RINT1: variants seen among roughly 807,000 people sequenced by gnomAD.
RINT1 encodes RAD50 interactor 1.
In RINT1, 75 loss-of-function variants were observed where a neutral mutation model predicts 97.7. The observed-to-expected ratio is 0.77, with a 90% CI of 0.64 to 0.93. The LOEUF (loss-of-function observed/expected upper bound fraction) is 0.93. Ranked by LOEUF, RINT1 falls within the 40% of genes least tolerant of loss-of-function variation. RINT1 has a pLI of 0.00. For synonymous variants in RINT1, 303 were observed against 326.3 expected, an observed-to-expected ratio of 0.93 and a Z score of 0.77; for missense variants, 892 against 925.2, an observed-to-expected ratio of 0.96 and a Z score of 0.47.
At chr7:105,534,732 G>C (rs1257644688) in intron 2 of RINT1, among the ~76,000 whole-genome samples, 2 of 151,936 alleles carry the variant, frequency 1.3e-5, no homozygotes, top group Admixed American at 1.3e-4. Flanking sequence ...AAATTGCTCT[G>C]GGAAGGCACA....
At chr7:105,548,413 T>C (rs1790770064) in intron 6 of RINT1, 141 bp from the exon 7 acceptor site, 7 of 689,286 alleles carry the variant, frequency 1.0e-5, no homozygotes, top group Admixed American at 4.8e-5. Flanking sequence ...TAAAATTAGG[T>C]TACATATTAT....
At position 105,551,727 on chromosome 7, in the gene RINT1, T is replaced by C. The variant is rs976321380; in HGVS notation, c.1471+20T>C. The C allele has an allele frequency of 4.5e-6, 7 of 1,569,552 alleles. No homozygotes were observed. The highest frequency in any genetic ancestry group is 6.1e-6 in the Non-Finnish European group (7 of 1,156,984). On this transcript the variant is annotated intron_variant, in intron 10 of 14. Transcript: ENST00000257700. ...TAACTGGTAAGTATGTCTTTTAAGA[T>C]ATGACTTTGTTTTAAAAGTACTGTT...
At position 105,551,758 on chromosome 7, in the gene RINT1, G is replaced by A. The variant is rs377700686; in HGVS notation, c.1471+51G>A. ...TTTGTTTTAAAAGTACTGTTTTCACGTGGTAGTTTTTAAAGTAGCTCAGTA... is the reference window on the plus strand; with the variant it reads ...TTTGTTTTAAAAGTACTGTTTTCACATGGTAGTTTTTAAAGTAGCTCAGTA... On this transcript the variant is annotated intron_variant, in intron 10 of 14. Coordinates refer to ENST00000257700, the MANE Select transcript of RINT1 (RefSeq NM_021930.6). 5.8e-4 allele frequency: 865 copies of A among 1,495,618 alleles called. 7 individuals are homozygous for A. In the South Asian group the frequency reaches 9.9e-3, roughly 17 times the overall value. The allele number at this position is 1,495,618 out of a possible 1,614,324, so 92.6% of individuals were successfully genotyped here.
chr7:105,545,305 A>C (rs1315606584), intron 4 of RINT1, among the ~76,000 whole-genome samples: 1 of 151,370 alleles, frequency 6.6e-6, no homozygotes, highest in African/African-American at 2.4e-5. Flanking sequence ...AAAAAAAATC[A>C]GCCAGGCTTG....
At chr7:105,550,806 G>A (rs1029372378) in intron 9 of RINT1, among the ~76,000 whole-genome samples, 3 of 151,978 alleles carry the variant, frequency 2.0e-5, no homozygotes, top group African/African-American at 7.2e-5. Flanking sequence ...CCAGGCTAAA[G>A]TGCAGTAGTT....
intron 11 of RINT1, among the ~76,000 whole-genome samples, chr7:105,562,613 G>A (rs538505405): frequency 6.6e-6 from 1 of 152,166 alleles, no homozygotes; most frequent in African/African-American, 2.4e-5. Context: ...ATAAAAACTT[G>A]TACTGCCAGG....
rs76280266 is a variant in RINT1, at chr7:105,564,928, G to A, written c.1887-349G>A. Among the ~76,000 whole-genome samples, 1,000 of 152,102 alleles carry A rather than the reference G, an allele frequency of 6.6e-3. 59 individuals carry two copies. In the East Asian group the frequency reaches 0.14, roughly 22 times the overall value. The stretch of plus-strand genomic sequence containing the variant: ...GACACGAGAATTGCTTGAACCCTGT[G>A]GCTCTAGCCTGGCCAACAGAGCGAG... On this transcript the variant is annotated intron_variant, in intron 12 of 14. Transcript: ENST00000257700.
chr7:105,555,267 T>G (rs761017286), intron 11 of RINT1, 40 bp downstream of exon 11: 10 of 1,488,650 alleles, frequency 6.7e-6, no homozygotes, highest in Non-Finnish European at 9.2e-6. Flanking sequence ...TATATACTAG[T>G]TCGAACTATT....
chr7:105,551,722 T>G lies in RINT1; in HGVS notation c.1471+15T>G, dbSNP rs760292853. 1 of 1,577,518 alleles carries G rather than the reference T, an allele frequency of 6.3e-7. No homozygotes were observed. The highest frequency in any genetic ancestry group is 1.4e-5 in the African/African-American group (1 of 73,430). On this transcript the variant is annotated intron_variant, in intron 10 of 14. Transcript: ENST00000257700. ...GGTTATAACTGGTAAGTATGTCTTT[T>G]AAGATATGACTTTGTTTTAAAAGTA...
chr7:105,532,266 C>T lies in RINT1; in HGVS notation c.-50C>T, dbSNP rs1393984545. 3 of 1,547,060 alleles carry T rather than the reference C, an allele frequency of 1.9e-6. No homozygotes were observed. The highest frequency in any genetic ancestry group is 1.4e-5 in the African/African-American group (1 of 73,388). ...TGTGTCGCTGGCCTTAGCCAGACTC[C>T]ACAGGCCACGCTGGCTGCGAATGGA... is the stretch of plus-strand genomic sequence containing the variant. On this transcript the variant is annotated 5_prime_UTR_variant, in exon 1 of 15. Coordinates refer to ENST00000257700, the MANE Select transcript of RINT1 (RefSeq NM_021930.6).
chr7:105,566,092 A>AC (rs1253843720), intron 14 of RINT1, among the ~76,000 whole-genome samples: 2 of 144,844 alleles, frequency 1.4e-5, no homozygotes, highest in African/African-American at 5.2e-5. Context: ...ACATAGTGAT[A>AC]CCCCCATCTC....
Position 105,567,656 on chromosome 7 carries a change from C to A in RINT1, c.*345C>A. 1.9e-6 allele frequency: 1 copy of A among 518,764 alleles called. No individual in the cohort carries two copies. 32.1% of individuals were successfully genotyped at this position (518,764 alleles called of 1,614,324 possible). ...TCTGTTGTGGATAATCAAACATAGC[C>A]AATAAATTTTTTTAAAACTCCCTTT... On this transcript the variant is annotated 3_prime_UTR_variant, in exon 15 of 15. Coordinates refer to ENST00000257700, the MANE Select transcript of RINT1 (RefSeq NM_021930.6).
intron 10 of RINT1, among the ~76,000 whole-genome samples, chr7:105,553,577 C>G (rs1335275717): frequency 1.3e-5 from 2 of 150,972 alleles, no homozygotes; most frequent in East Asian, 2.0e-4. Context: ...AAAAATTAGC[C>G]AGGCATGGTG....
At chr7:105,561,111 A>T (rs1018071420) in intron 11 of RINT1, among the ~76,000 whole-genome samples, 1 of 143,510 alleles carries the variant, frequency 7.0e-6, no homozygotes, top group South Asian at 2.2e-4. Flanking sequence ...AAAAAAAAAA[A>T]AAAACCTTGG....
chr7:105,543,030 G>T (rs553236547), intron 4 of RINT1, among the ~76,000 whole-genome samples: 1 of 151,630 alleles, frequency 6.6e-6, no homozygotes, highest in African/African-American at 2.4e-5. Flanking sequence ...GACTACAGGC[G>T]CCCGCCACCA....
In RINT1 at chr7:105,567,373, T is replaced by C; in HGVS notation, c.*62T>C. ...TAAGAAAGAGGAAGCCAATTGGATT[T>C]CAAGTTATATGATGAAATTCTGAAT... On this transcript the variant is annotated 3_prime_UTR_variant, in exon 15 of 15. Coordinates refer to ENST00000257700, the MANE Select transcript of RINT1 (RefSeq NM_021930.6). 1 of 1,110,364 alleles carries C rather than the reference T, an allele frequency of 9.0e-7. No homozygotes were observed. The highest frequency in any genetic ancestry group is 1.3e-6 in the Non-Finnish European group (1 of 750,484). 68.8% of individuals were successfully genotyped at this position (1,110,364 alleles called of 1,614,324 possible).
intron 6 of RINT1, among the ~76,000 whole-genome samples, chr7:105,547,534 A>G (rs1164013867): frequency 6.6e-6 from 1 of 152,150 alleles, no homozygotes; most frequent in South Asian, 2.1e-4. Context: ...TGTAAGGAAG[A>G]GTTCCGGGAT....
At chr7:105,542,311 G>GTACCACT (rs2133372635) in intron 3 of RINT1, 97 bp from the exon 4 acceptor site, 2 of 900,872 alleles carry the variant, frequency 2.2e-6, no homozygotes, top group South Asian at 3.4e-5. Context: ...CTCCAGCCTG[G>GTACCACT]GCAACAGCGT....
intron 3 of RINT1, chr7:105,542,109 G>A (rs1249973032): frequency 9.2e-6 from 2 of 218,552 alleles, no homozygotes; most frequent in Non-Finnish European, 8.9e-6. Flanking sequence ...TGAAGGGAAC[G>A]AACTAATAAA....
Sources: gnomAD v4.1 joint callset for allele counts (sites outside exome capture counted in the v4.1 genomes callset) on GRCh38, gnomAD v4.1.1 for gene constraint, MANE v1.5 for transcripts, NCBI Gene and HGNC (gene_info 2026-07-23, HGNC 2026-07-21) for gene names.